The following TSHR variants were observed in gnomAD, a reference collection of about 807,000 sequenced individuals.
TSHR encodes thyroid stimulating hormone receptor.
In TSHR, 51 loss-of-function variants were observed where a neutral mutation model predicts 64.1. The ratio of observed to expected loss-of-function variants is 0.80; its 90% CI spans 0.64 to 1.01. The LOEUF (loss-of-function observed/expected upper bound fraction) is 1.01. Ranked by LOEUF, TSHR falls within the 50% of genes least tolerant of loss-of-function variation. TSHR has a pLI of 0.00. For missense variants in TSHR, 877 were observed against 942.8 expected (o/e 0.93, Z 0.91); for synonymous variants, 361 against 361.9 (o/e 1.00, Z 0.03).
intron 3 of TSHR, among the ~76,000 whole-genome samples, chr14:81,071,800 G>A (rs1456789506): frequency 6.6e-6 from 1 of 152,108 alleles, no homozygotes; most frequent in Non-Finnish European, 1.5e-5. Flanking sequence ...CTCAGATGGT[G>A]GTGGTATCAA....
rs536457937 is a variant in TSHR at position 81,016,946 on chromosome 14, G to A, written c.171-45202G>A. 1.1e-4 allele frequency among the ~76,000 whole-genome samples: 16 copies of A among 152,306 alleles called. No individual in the cohort carries two copies. The South Asian group carries it at 3.3e-3, about 32-fold the overall frequency. Reference sequence around the variant, plus strand: ...TCCAAACACAGTTACAATGTTAGATGTGTGTTGGAAACCAGCATGTGAATG... The same window carrying A: ...TCCAAACACAGTTACAATGTTAGATATGTGTTGGAAACCAGCATGTGAATG... On this transcript the variant is annotated intron_variant, in intron 1 of 9. Transcript: ENST00000298171.
intron 8 of TSHR, chr14:81,108,679 T>C (rs765418913): frequency 1.9e-6 from 3 of 1,614,080 alleles, no homozygotes; most frequent in Admixed American, 3.3e-5. Flanking sequence ...TATGCCATCA[T>C]GATGCCTGCT....
intron 1 of TSHR, among the ~76,000 whole-genome samples, chr14:80,988,424 G>C (rs1363717547): frequency 1.3e-5 from 2 of 152,012 alleles, no homozygotes; most frequent in African/African-American, 4.8e-5. Flanking sequence ...GATCTCATGA[G>C]AGCTCACTCA....
chr14:81,138,662 C>T (rs1189065858), intron 8 of TSHR, among the ~76,000 whole-genome samples: 2 of 152,060 alleles, frequency 1.3e-5, no homozygotes, highest in African/African-American at 4.8e-5. Context: ...GGCCTTGAAC[C>T]TTGAGAATGT....
At chr14:81,012,655 T>G (rs1889978420) in intron 1 of TSHR, 1 of 152,212 alleles carries the variant, frequency 6.6e-6, no homozygotes, top group Non-Finnish European at 1.5e-5. Flanking sequence ...AGATGGTATC[T>G]CATTGTGGTT....
chr14:80,963,479 G>GA (rs955190793), intron 1 of TSHR, among the ~76,000 whole-genome samples: 3 of 151,500 alleles, frequency 2.0e-5, no homozygotes, highest in Non-Finnish European at 2.9e-5. Flanking sequence ...AGATTGACAA[G>GA]AAAAAAAACA....
intron 1 of TSHR, among the ~76,000 whole-genome samples, chr14:81,035,104 T>G (rs139658737): frequency 1.3e-4 from 20 of 152,252 alleles, no homozygotes; most frequent in South Asian, 4.2e-4. Context: ...GAATCTCAAA[T>G]CCTACAGATA....
At chr14:81,139,268 T>C (rs1891581452) in intron 8 of TSHR, among the ~76,000 whole-genome samples, 1 of 152,180 alleles carries the variant, frequency 6.6e-6, no homozygotes. Flanking sequence ...GTCCCCAAAC[T>C]CTAGTCCCCA....
At chr14:81,031,735 A>G (rs1884358862) in intron 1 of TSHR, among the ~76,000 whole-genome samples, 1 of 152,212 alleles carries the variant, frequency 6.6e-6, no homozygotes, top group Non-Finnish European at 1.5e-5. Flanking sequence ...CAGAACCAGC[A>G]AACTAGCCAC....
chr14:81,084,156 T>C (rs1420400378), intron 3 of TSHR, among the ~76,000 whole-genome samples: 2 of 152,244 alleles, frequency 1.3e-5, no homozygotes, highest in Non-Finnish European at 2.9e-5. Context: ...CCATATCATC[T>C]TCCAAAGCTG....
intron 1 of TSHR, among the ~76,000 whole-genome samples, chr14:81,044,264 C>T (rs1379417964): frequency 6.6e-6 from 1 of 151,946 alleles, no homozygotes; most frequent in Non-Finnish European, 1.5e-5. Flanking sequence ...AAAAAATGGG[C>T]AAAGGACAGG....
chr14:81,116,030 G>A (rs1890490171), intron 8 of TSHR, among the ~76,000 whole-genome samples: 1 of 152,042 alleles, frequency 6.6e-6, no homozygotes, highest in African/African-American at 2.4e-5. Context: ...CCTGAAGGAA[G>A]CGCTAAACAT....
At chr14:80,999,588 A>T (rs772450608) in intron 1 of TSHR, among the ~76,000 whole-genome samples, 1 of 152,210 alleles carries the variant, frequency 6.6e-6, no homozygotes, top group African/African-American at 2.4e-5. Context: ...ATTAAACTAT[A>T]CAGGGTTGCT....
At chr14:80,988,301 A>G (rs1332081166) in intron 1 of TSHR, among the ~76,000 whole-genome samples, 2 of 152,170 alleles carry the variant, frequency 1.3e-5, no homozygotes, top group African/African-American at 4.8e-5. Context: ...TGATGCTGGC[A>G]TCTACTTGGC....
At chr14:81,022,028 G>A (rs6574619) in intron 1 of TSHR, among the ~76,000 whole-genome samples, 15,611 of 150,586 alleles carry the variant, frequency 0.1, 2,665 homozygotes, top group African/African-American at 0.36. Flanking sequence ...TTTGGGAGGC[G>A]GAAGTGGGCA....
chr14:80,995,716 G>A (rs1354180016), intron 1 of TSHR: 1 of 150,724 alleles, frequency 6.6e-6, no homozygotes, highest in South Asian at 2.1e-4. Flanking sequence ...TAGGAAAAAC[G>A]ACTAATGGGT....
At chr14:81,000,145 T>G (rs1022548733) in intron 1 of TSHR, among the ~76,000 whole-genome samples, 42 of 152,158 alleles carry the variant, frequency 2.8e-4, no homozygotes, top group African/African-American at 1.0e-3. Context: ...TTGCCCAGGC[T>G]GGTCTCGAAC....
At chr14:80,978,132 T>C (rs922215474) in intron 1 of TSHR, among the ~76,000 whole-genome samples, 18 of 117,644 alleles carry the variant, frequency 1.5e-4, no homozygotes, top group East Asian at 2.6e-4. Context: ...CACACACACA[T>C]GCATGTGCAC....
chr14:81,026,200 A>T (rs540079709), intron 1 of TSHR, among the ~76,000 whole-genome samples: 12 of 152,170 alleles, frequency 7.9e-5, no homozygotes, highest in Admixed American at 5.9e-4. Context: ...GGAGGCAGAA[A>T]TTTTTTTTCT....
Sources: allele counts gnomAD v4.1 joint callset (sites outside exome capture counted in the v4.1 genomes callset), GRCh38; gene constraint gnomAD v4.1.1; transcripts MANE v1.5; gene names NCBI Gene and HGNC (gene_info 2026-07-23, HGNC 2026-07-21).